Variants in MAF observed in about 807,000 individuals in gnomAD.
MAF encodes transcription factor Maf.
In MAF, 10 loss-of-function variants were observed where a neutral mutation model predicts 22.0. That is an observed-to-expected ratio of 0.45 (90% CI 0.28 to 0.77). MAF has a LOEUF of 0.77. Among genes scored for constraint, MAF ranks in the 30% least tolerant of loss-of-function variants. The pLI is 0.12. For missense variants in MAF, 544 were observed against 548.4 expected (o/e 0.99, Z 0.08); for synonymous variants, 337 against 255.8 (o/e 1.32, Z -3.03).
At chr16:79,309,726 C>T in the MAF span, among the ~76,000 whole-genome samples, 3 of 152,120 alleles carry the variant, frequency 2.0e-5, no homozygotes, top group African/African-American at 4.8e-5. Context: ...CCATAAATTA[C>T]GAGGTGGTCA....
the MAF span, among the ~76,000 whole-genome samples, chr16:79,298,959 G>A: frequency 1.3e-5 from 2 of 152,278 alleles, no homozygotes; most frequent in South Asian, 4.1e-4. Context: ...AGCCCCCTGA[G>A]CGCCTGGCCC....
the MAF span, among the ~76,000 whole-genome samples, chr16:79,558,900 T>A: frequency 1.3e-5 from 2 of 152,240 alleles, no homozygotes; most frequent in Non-Finnish European, 2.9e-5. Flanking sequence ...ACCCTCAGGC[T>A]TCCTTTCTCT....
the MAF span, among the ~76,000 whole-genome samples, chr16:79,311,080 T>C: frequency 6.6e-6 from 1 of 150,684 alleles, no homozygotes; most frequent in African/African-American, 2.4e-5. Flanking sequence ...AGCACTGGCC[T>C]CCCCTCTGTG....
chr16:79,544,749 G>A, the MAF span, among the ~76,000 whole-genome samples: 155 of 146,324 alleles, frequency 1.1e-3, 1 homozygote, highest in Middle Eastern at 7.4e-3. Flanking sequence ...CTCCAGCCTG[G>A]GCGACAGAGC....
chr16:79,510,660 G>C, the MAF span, among the ~76,000 whole-genome samples: 38 of 152,300 alleles, frequency 2.5e-4, no homozygotes, highest in African/African-American at 8.4e-4. Flanking sequence ...GCACACAATA[G>C]GGACAGCTTC....
chr16:79,373,872 C>T, the MAF span, among the ~76,000 whole-genome samples: 1 of 152,150 alleles, frequency 6.6e-6, no homozygotes, highest in Non-Finnish European at 1.5e-5. Context: ...TAAATTACCC[C>T]ATTTCAGGTA....
At chr16:79,214,703 CTT>C in the MAF span, among the ~76,000 whole-genome samples, 221 of 43,024 alleles carry the variant, frequency 5.1e-3, no homozygotes, top group East Asian at 0.025. Context: ...CTGTGCCTGG[CTT>C]TTTTTTTTTT....
the MAF span, among the ~76,000 whole-genome samples, chr16:79,223,141 C>G: frequency 6.6e-6 from 1 of 151,728 alleles, no homozygotes; most frequent in East Asian, 2.0e-4. Flanking sequence ...TCAGCAAATG[C>G]AAAAGAACGG....
the MAF span, among the ~76,000 whole-genome samples, chr16:79,506,820 T>C: frequency 2.0e-5 from 3 of 152,084 alleles, no homozygotes; most frequent in Non-Finnish European, 1.5e-5. Context: ...AGACTCAAGA[T>C]GGGGCCAGGT....
At chr16:79,294,722 G>A in the MAF span, among the ~76,000 whole-genome samples, 1 of 152,168 alleles carries the variant, frequency 6.6e-6, no homozygotes, top group Non-Finnish European at 1.5e-5. Context: ...GGAGAAGGAG[G>A]AGTCAAATGC....
the MAF span, among the ~76,000 whole-genome samples, chr16:79,248,710 A>G: frequency 6.6e-6 from 1 of 152,154 alleles, no homozygotes; most frequent in Non-Finnish European, 1.5e-5. Flanking sequence ...AGCTCTGGGA[A>G]CATGGTTTCA....
At chr16:79,570,442 T>A in the MAF span, among the ~76,000 whole-genome samples, 37 of 152,298 alleles carry the variant, frequency 2.4e-4, no homozygotes, top group Non-Finnish European at 4.7e-4. Flanking sequence ...TCTTCCTGGG[T>A]ATCCATAACC....
At chr16:79,543,905 C>T in the MAF span, among the ~76,000 whole-genome samples, 1 of 151,910 alleles carries the variant, frequency 6.6e-6, no homozygotes, top group South Asian at 2.1e-4. Context: ...CCAAGATGGT[C>T]TCCATCTCCA....
chr16:79,522,588 C>T, the MAF span, among the ~76,000 whole-genome samples: 1 of 152,178 alleles, frequency 6.6e-6, no homozygotes, highest in African/African-American at 2.4e-5. Flanking sequence ...TGGGAGTTTA[C>T]ACTCAAGCCA....
chr16:79,214,582 T>C, the MAF span, among the ~76,000 whole-genome samples: 5 of 151,986 alleles, frequency 3.3e-5, no homozygotes, highest in Non-Finnish European at 7.4e-5. Flanking sequence ...ATTTTTCATA[T>C]TTTAAGTAGA....
exon 2 of MAF, chr16:79,585,864 A>C: frequency 1.6e-6 from 1 of 644,806 alleles, no homozygotes; most frequent in Non-Finnish European, 2.7e-6. Context: ...CATGCAAATC[A>C]AAAATCAAGA....
the MAF span, among the ~76,000 whole-genome samples, chr16:79,249,945 A>G: frequency 2.6e-5 from 4 of 152,232 alleles, no homozygotes; most frequent in East Asian, 1.9e-4. Flanking sequence ...TGTATGGTAA[A>G]TTAATTTTAA....
chr16:79,204,756 C>G, the MAF span: 1 of 152,142 alleles, frequency 6.6e-6, no homozygotes, highest in East Asian at 1.9e-4. Context: ...CTTTGGACGC[C>G]TTTGGGTGGT....
At chr16:79,584,796 A>G (rs1912739719), downstream of MAF, among the ~76,000 whole-genome samples, 1 of 152,238 alleles carries the variant, frequency 6.6e-6, no homozygotes, top group Non-Finnish European at 1.5e-5. Flanking sequence ...ATCCAAGACT[A>G]GAAAATAAAC....
Sources: allele counts gnomAD v4.1 joint callset (sites outside exome capture counted in the v4.1 genomes callset), GRCh38; gene constraint gnomAD v4.1.1; transcripts MANE v1.5; gene names NCBI Gene and HGNC (gene_info 2026-07-23, HGNC 2026-07-21).